ICA1: variants seen among roughly 807,000 people sequenced by gnomAD.
The protein encoded by ICA1 is islet cell autoantigen 1.
A neutral mutation model predicts 71.0 loss-of-function variants in ICA1; 40 were observed. That is an observed-to-expected ratio of 0.56 (90% confidence interval 0.44 to 0.73). The LOEUF is 0.73. ICA1 is among the 30% of genes least tolerant of loss of function. The pLI is 0.00. For synonymous variants in ICA1, 207 were observed against 209.5 expected (o/e 0.99, Z 0.10); for missense variants, 578 against 576.5 (o/e 1.00, Z -0.03).
intron 6 of ICA1, among the ~76,000 whole-genome samples, chr7:8,190,465 A>G (rs1233841280): frequency 6.6e-6 from 1 of 152,260 alleles, no homozygotes; most frequent in Non-Finnish European, 1.5e-5. Context: ...CAGTAGAGAA[A>G]TCAATTATAA....
intron 6 of ICA1, among the ~76,000 whole-genome samples, chr7:8,161,874 T>C (rs1029372441): frequency 6.6e-6 from 1 of 152,234 alleles, no homozygotes. Flanking sequence ...TTGAGTGTTA[T>C]GGTTGCTTAT....
chr7:8,165,895 C>T (rs997081693), intron 6 of ICA1, among the ~76,000 whole-genome samples: 3 of 152,166 alleles, frequency 2.0e-5, no homozygotes, highest in Non-Finnish European at 4.4e-5. Context: ...AAAAATATTC[C>T]ATGCTCATGG....
At chr7:8,134,286 T>G (rs911651237) in intron 12 of ICA1, among the ~76,000 whole-genome samples, 1 of 152,174 alleles carries the variant, frequency 6.6e-6, no homozygotes, top group Non-Finnish European at 1.5e-5. Flanking sequence ...GAGCAATATC[T>G]GTGTGAAAAC....
chr7:8,255,286 C>T (rs1348289048), intron 1 of ICA1, among the ~76,000 whole-genome samples: 1 of 152,210 alleles, frequency 6.6e-6, no homozygotes, highest in Non-Finnish European at 1.5e-5. Flanking sequence ...ACATCTTTCA[C>T]TATGGGCCCC....
rs376082513 is a variant in ICA1, at chr7:8,128,165, A to C, written c.1061-23T>G. 8.4e-5 allele frequency: 135 copies of C among 1,608,590 alleles called. No individual in the cohort carries two copies. The African/African-American group carries it at 1.6e-3, about 19-fold the overall frequency. On this transcript the variant is annotated intron_variant, in intron 12 of 13. Transcript: ENST00000402384. ...AAGCTGATTGAAGTAACAGAGAACAAAACGTCACCACGGAGGGCTCAAGCC... is the reference window on the plus strand; with the variant it reads ...AAGCTGATTGAAGTAACAGAGAACACAACGTCACCACGGAGGGCTCAAGCC...
intron 6 of ICA1, among the ~76,000 whole-genome samples, chr7:8,177,998 A>G (rs1781109657): frequency 1.3e-5 from 2 of 152,226 alleles, no homozygotes; most frequent in Non-Finnish European, 2.9e-5. Context: ...CTGGAATGTG[A>G]GCACAGGACC....
chr7:8,194,258 T>A (rs1322085305), intron 6 of ICA1, among the ~76,000 whole-genome samples: 1 of 152,172 alleles, frequency 6.6e-6, no homozygotes, highest in African/African-American at 2.4e-5. Context: ...TGAATCAGAA[T>A]CTTTGGGGCG....
chr7:8,212,048 G>T (rs779322923), intron 6 of ICA1, among the ~76,000 whole-genome samples: 1 of 152,072 alleles, frequency 6.6e-6, no homozygotes, highest in Non-Finnish European at 1.5e-5. Context: ...AATACCAAAG[G>T]CTCCTCTTTG....
intron 6 of ICA1, among the ~76,000 whole-genome samples, chr7:8,190,787 T>C (rs1165581660): frequency 1.3e-5 from 2 of 152,206 alleles, no homozygotes; most frequent in African/African-American, 4.8e-5. Flanking sequence ...TTTGTGAAGT[T>C]TATAAATCTA....
chr7:8,214,382 C>T (rs1233700844), intron 6 of ICA1, among the ~76,000 whole-genome samples: 7 of 152,222 alleles, frequency 4.6e-5, no homozygotes, highest in Admixed American at 6.5e-5. Flanking sequence ...ATATATCACA[C>T]GTTGTAACTT....
chr7:8,235,610 T>A (rs148609751), intron 2 of ICA1, among the ~76,000 whole-genome samples: 3 of 152,276 alleles, frequency 2.0e-5, no homozygotes, highest in African/African-American at 7.2e-5. Context: ...TAAAAACGCA[T>A]CAACTCATTA....
chr7:8,121,987 A>G (rs1315993305), intron 13 of ICA1, among the ~76,000 whole-genome samples: 1 of 152,128 alleles, frequency 6.6e-6, no homozygotes, highest in East Asian at 1.9e-4. Flanking sequence ...GGACTTGGGG[A>G]GCAGAAACAC....
chr7:8,238,320 A>C lies in ICA1; in HGVS notation c.-79-2315T>G, dbSNP rs370447757. 3.3e-5 allele frequency among the ~76,000 whole-genome samples: 5 copies of C among 152,184 alleles called. No homozygotes were observed. The East Asian group carries it at 9.6e-4, about 29-fold the overall frequency. On this transcript the variant is annotated intron_variant, in intron 1 of 13. Coordinates refer to ENST00000402384, the MANE Select transcript of ICA1 (RefSeq NM_001136020.3). The stretch of plus-strand genomic sequence containing the variant: ...GTTAATGTTTGTTTCCATTTTTAAA[A>C]ATAATAGCCATCCGAAGCATTGTGA...
At chr7:8,161,741 A>G (rs749535247) in intron 6 of ICA1, among the ~76,000 whole-genome samples, 18 of 152,182 alleles carry the variant, frequency 1.2e-4, no homozygotes, top group Non-Finnish European at 2.1e-4. Context: ...GAGCCCAGCC[A>G]TTATCAGCAG....
At chr7:8,250,550 C>T (rs1165073971) in intron 1 of ICA1, among the ~76,000 whole-genome samples, 3 of 152,122 alleles carry the variant, frequency 2.0e-5, no homozygotes, top group African/African-American at 7.2e-5. Context: ...GACGTGGACA[C>T]GATTACCTGA....
chr7:8,219,854 T>C (rs1397775673), intron 5 of ICA1, among the ~76,000 whole-genome samples: 1 of 152,238 alleles, frequency 6.6e-6, no homozygotes, highest in African/African-American at 2.4e-5. Flanking sequence ...GATTCTTTGT[T>C]TCTCTTCCTT....
At position 8,123,571 on chromosome 7, in the gene ICA1, A is replaced by C. The variant is rs1319161166; in HGVS notation, c.1330+4302T>G. Reference sequence around the variant, plus strand: ...ATGTAGCTGCTGGCACACAGGAACAAGATTTCCTAGGACAATCTCAATTTC... The same window carrying C: ...ATGTAGCTGCTGGCACACAGGAACACGATTTCCTAGGACAATCTCAATTTC... On this transcript the variant is annotated intron_variant, in intron 13 of 13. Coordinates refer to ENST00000402384, the MANE Select transcript of ICA1 (RefSeq NM_001136020.3). This position sits in a 1 kb window ranked among gnomAD's most constrained non-coding sequence, Gnocchi z 4.1. 6.6e-6 allele frequency among the ~76,000 whole-genome samples: 1 copy of C among 152,194 alleles called. No individual in the cohort carries two copies. Among genetic ancestry groups the C allele is most frequent in the Non-Finnish European group, 1.5e-5 (1 of 68,034 alleles).
chr7:8,139,150 G>T, intron 10 of ICA1, 103 bp from the exon 11 acceptor site: 1 of 894,408 alleles, frequency 1.1e-6, no homozygotes, highest in African/African-American at 1.6e-5. Context: ...GGAAGAAATG[G>T]GATCCACAAA....
At chr7:8,180,903 C>T (rs146024563) in intron 6 of ICA1, among the ~76,000 whole-genome samples, 466 of 151,608 alleles carry the variant, frequency 3.1e-3, no homozygotes, top group African/African-American at 0.011. Context: ...GTTGGATACA[C>T]ATGTAACAAA....
Sources: gnomAD v4.1 joint callset for allele counts (sites outside exome capture counted in the v4.1 genomes callset) on GRCh38, gnomAD v4.1.1 for gene constraint, Gnocchi (gnomAD v3.1) non-coding constraint, MANE v1.5 for transcripts, NCBI Gene and HGNC (gene_info 2026-07-23, HGNC 2026-07-21) for gene names.